The following ZNF804A variants were observed in gnomAD, a reference collection of about 807,000 sequenced individuals.
ZNF804A encodes the protein zinc finger protein 804A.
A neutral mutation model predicts 16.5 loss-of-function variants in ZNF804A; 2 were observed. That is an observed-to-expected ratio of 0.12 (90% CI 0.05 to 0.38). The LOEUF is 0.38. Ranked by LOEUF, ZNF804A falls within the 10% of genes least tolerant of loss-of-function variation. The pLI, the probability that ZNF804A is intolerant of heterozygous loss-of-function variation, is 0.99. For synonymous variants in ZNF804A, 534 were observed against 489.6 expected, an observed-to-expected ratio of 1.09 and a Z score of -1.20; for missense variants, 1,473 against 1,390.7, an observed-to-expected ratio of 1.06 and a Z score of -0.94.
At position 184,636,452 on chromosome 2, in the gene ZNF804A, T is replaced by A. The variant is rs200789202; in HGVS notation, c.111+37382T>A. Reference sequence around the variant, plus strand: ...GTGTGTGTGTGTGTGTGTGTGTGTGTGAGAGAGAGAGAGAGAGAGAGAGAG... The same window carrying A: ...GTGTGTGTGTGTGTGTGTGTGTGTGAGAGAGAGAGAGAGAGAGAGAGAGAG... On this transcript the variant is annotated intron_variant, in intron 1 of 3. Coordinates refer to ENST00000302277, the MANE Select transcript of ZNF804A (RefSeq NM_194250.2). Among the ~76,000 whole-genome samples the A allele has an allele frequency of 2.5e-3, 283 of 114,290 alleles. 1 individual carries two copies. Among genetic ancestry groups the A allele is most frequent in the East Asian group, 8.9e-3 (33 of 3,728 alleles). The allele number at this position is 114,290 out of a possible 152,430, so 75.0% of individuals were successfully genotyped here. A position where few individuals can be genotyped will look rare whatever the true frequency, so the allele number is the denominator to read the frequency against.
At chr2:184,707,176 A>C (rs1159326732) in intron 1 of ZNF804A, among the ~76,000 whole-genome samples, 1 of 152,058 alleles carries the variant, frequency 6.6e-6, no homozygotes. Flanking sequence ...TTTAGAATGG[A>C]GGTGTTCTTC....
At chr2:184,658,633 C>T (rs1200533016) in intron 1 of ZNF804A, among the ~76,000 whole-genome samples, 4 of 152,132 alleles carry the variant, frequency 2.6e-5, no homozygotes, top group South Asian at 2.1e-4. Flanking sequence ...TGCTGGTACA[C>T]TTGGTGTCTT....
intron 1 of ZNF804A, among the ~76,000 whole-genome samples, chr2:184,795,799 T>G (rs1396174878): frequency 6.6e-6 from 1 of 152,090 alleles, no homozygotes; most frequent in Non-Finnish European, 1.5e-5. Flanking sequence ...AACACCTTTA[T>G]GTGCACAAAC....
intron 2 of ZNF804A, among the ~76,000 whole-genome samples, chr2:184,918,409 A>ATC (rs1340447947): frequency 6.6e-6 from 1 of 152,182 alleles, no homozygotes; most frequent in East Asian, 1.9e-4. Flanking sequence ...TAGTAAGTAA[A>ATC]TCAATAGTGG....
In ZNF804A at chr2:184,856,965, T is replaced by TC. The variant is rs1558983833; in HGVS notation, c.112-9404_112-9403insC. On this transcript the variant is annotated intron_variant, in intron 1 of 3. Coordinates refer to ENST00000302277, the MANE Select transcript of ZNF804A (RefSeq NM_194250.2). ...TGTATGTTTATTGTTTTTCTAGTCT[T>TC]TCTCTCATTTGATTTTGTTCTGGTC... 2.6e-4 allele frequency among the ~76,000 whole-genome samples: 40 copies of TC among 152,016 alleles called. No homozygotes were observed. In the South Asian group the frequency reaches 8.3e-3, roughly 32 times the overall value.
At chr2:184,892,057 C>T (rs554501483) in intron 2 of ZNF804A, among the ~76,000 whole-genome samples, 27 of 152,244 alleles carry the variant, frequency 1.8e-4, no homozygotes, top group Non-Finnish European at 3.1e-4. Flanking sequence ...ATTCTTTATA[C>T]GTGGGTAACA....
At chr2:184,866,581 T>G in intron 2 of ZNF804A, 69 bp downstream of exon 2, 4 of 1,289,768 alleles carry the variant, frequency 3.1e-6, no homozygotes, top group Non-Finnish European at 4.2e-6. Flanking sequence ...GTGTAGACTC[T>G]ATGAATATGA....
At chr2:184,882,553 C>T (rs1418062323) in intron 2 of ZNF804A, among the ~76,000 whole-genome samples, 1 of 151,774 alleles carries the variant, frequency 6.6e-6, no homozygotes. Context: ...TAAAACAATG[C>T]TCAGCAAATT....
chr2:184,604,645 TC>T (rs1230464373), intron 1 of ZNF804A, among the ~76,000 whole-genome samples: 1 of 152,204 alleles, frequency 6.6e-6, no homozygotes, highest in African/African-American at 2.4e-5. Context: ...TTCTCCGTTT[TC>T]CACTGTCTAC....
chr2:184,934,054 G>T (rs992871708), intron 3 of ZNF804A, among the ~76,000 whole-genome samples: 2 of 152,090 alleles, frequency 1.3e-5, no homozygotes, highest in Admixed American at 1.3e-4. Flanking sequence ...GAGGAAGACA[G>T]CAAGGCAGTA....
At chr2:184,665,618 G>A (rs559282348) in intron 1 of ZNF804A, among the ~76,000 whole-genome samples, 3 of 152,308 alleles carry the variant, frequency 2.0e-5, no homozygotes, top group African/African-American at 7.2e-5. Flanking sequence ...AAAACCAGAG[G>A]CAAGGTATCA....
chr2:184,760,622 GC>G (rs1319722475), intron 1 of ZNF804A, among the ~76,000 whole-genome samples: 1 of 152,098 alleles, frequency 6.6e-6, no homozygotes, highest in Non-Finnish European at 1.5e-5. Flanking sequence ...GTAACAAGAA[GC>G]CATATGCTCT....
intron 1 of ZNF804A, among the ~76,000 whole-genome samples, chr2:184,801,003 A>T (rs910766076): frequency 3.0e-4 from 45 of 151,958 alleles, no homozygotes; most frequent in African/African-American, 1.1e-3. Flanking sequence ...CCTGCAGTAC[A>T]AGTCTATTGG....
intron 1 of ZNF804A, among the ~76,000 whole-genome samples, chr2:184,858,230 G>T (rs1461475593): frequency 6.6e-6 from 1 of 151,974 alleles, no homozygotes; most frequent in Non-Finnish European, 1.5e-5. Context: ...TAGGCCAGGT[G>T]CAGTGGCTCA....
chr2:184,675,207 CAT>C (rs1173109367), intron 1 of ZNF804A, among the ~76,000 whole-genome samples: 11 of 151,768 alleles, frequency 7.2e-5, no homozygotes, highest in Non-Finnish European at 1.3e-4. Flanking sequence ...TTCACACACA[CAT>C]ATATATTAGG....
rs1383144516 is a variant in ZNF804A, at chr2:184,688,530, G to A, written c.111+89460G>A. 6.6e-5 allele frequency among the ~76,000 whole-genome samples: 10 copies of A among 152,066 alleles called. No homozygotes were observed. The East Asian group carries it at 1.9e-3, about 29-fold the overall frequency. ...AAAATATCAGCAACACTTAAACTGA[G>A]AGATAGGATTACTTTTGCCATTCTT... On this transcript the variant is annotated intron_variant, in intron 1 of 3. Transcript: ENST00000302277.
intron 1 of ZNF804A, among the ~76,000 whole-genome samples, chr2:184,829,899 C>CAAAAAAAAA (rs1244566222): frequency 1.8e-4 from 7 of 38,858 alleles, no homozygotes; most frequent in Admixed American, 3.8e-4. Context: ...CTGTCTCTAC[C>CAAAAAAAAA]AAAAAAAAAA....
intron 1 of ZNF804A, among the ~76,000 whole-genome samples, chr2:184,801,885 C>T (rs1352087152): frequency 2.0e-5 from 3 of 151,976 alleles, no homozygotes; most frequent in South Asian, 2.1e-4. Context: ...ATGTTAGGAG[C>T]GATGGAAATG....
chr2:184,603,279 T>G (rs1691079500), intron 1 of ZNF804A, among the ~76,000 whole-genome samples: 1 of 152,206 alleles, frequency 6.6e-6, no homozygotes, highest in Non-Finnish European at 1.5e-5. Flanking sequence ...TTTGGGCTGC[T>G]CTTGCTCATT....
Sources: gnomAD v4.1 joint callset for allele counts (sites outside exome capture counted in the v4.1 genomes callset) on GRCh38, gnomAD v4.1.1 for gene constraint, MANE v1.5 for transcripts, NCBI Gene and HGNC (gene_info 2026-07-23, HGNC 2026-07-21) for gene names.